Variants in DIAPH2 observed in about 807,000 individuals in gnomAD.
DIAPH2 encodes diaphanous related formin 2.
A neutral mutation model predicts 92.7 loss-of-function variants in DIAPH2; 35 were observed. The ratio of observed to expected loss-of-function variants is 0.38; its 90% confidence interval spans 0.29 to 0.50. The LOEUF (loss-of-function observed/expected upper bound fraction) is 0.50, where lower values mean the gene tolerates loss of function less well. Among genes scored for constraint, DIAPH2 ranks in the 20% least tolerant of loss-of-function variants. The pLI is 0.94. For synonymous variants in DIAPH2, 301 were observed against 280.4 expected, an observed-to-expected ratio of 1.07 and a Z score of -0.73; for missense variants, 701 against 819.5, an observed-to-expected ratio of 0.86 and a Z score of 1.77.
intron 21 of DIAPH2, among the ~76,000 whole-genome samples, chrX:97,133,987 C>A (rs1352304031): frequency 8.9e-6 from 1 of 112,419 alleles, no homozygotes; most frequent in Non-Finnish European, 1.9e-5. Context: ...AATATCTAAG[C>A]AACAATGCAG....
At chrX:97,241,726 T>C (rs1213717018) in intron 22 of DIAPH2, among the ~76,000 whole-genome samples, 1 of 109,906 alleles carries the variant, frequency 9.1e-6, no homozygotes, top group Non-Finnish European at 1.9e-5. Context: ...TCAGTGCTAC[T>C]ATGAGGCAAA....
At chrX:96,710,512 T>C (rs957909303) in intron 1 of DIAPH2, among the ~76,000 whole-genome samples, 1 of 111,675 alleles carries the variant, frequency 9.0e-6, no homozygotes, top group Non-Finnish European at 1.9e-5. Context: ...CTGGTGATTC[T>C]ATATTTGTGT....
intron 4 of DIAPH2, among the ~76,000 whole-genome samples, chrX:96,765,947 T>C (rs758009455): frequency 9.0e-6 from 1 of 111,543 alleles, no homozygotes; most frequent in Non-Finnish European, 1.9e-5. Flanking sequence ...CTCCTAAATA[T>C]CCATCAAGAT....
intron 17 of DIAPH2, among the ~76,000 whole-genome samples, chrX:97,003,956 A>G (rs2066162144): frequency 9.0e-6 from 1 of 111,325 alleles, no homozygotes; most frequent in African/African-American, 3.3e-5. Flanking sequence ...ATCTATTTTG[A>G]TTTTTATATA....
At chrX:96,915,537 G>A (rs1377927172) in intron 7 of DIAPH2, among the ~76,000 whole-genome samples, 3 of 110,156 alleles carry the variant, frequency 2.7e-5, no homozygotes, top group African/African-American at 9.9e-5. Context: ...TTAAATTAGG[G>A]CTGATGGAAC....
At chrX:97,133,574 A>G (rs1040794749) in intron 21 of DIAPH2, among the ~76,000 whole-genome samples, 7 of 112,329 alleles carry the variant, frequency 6.2e-5, no homozygotes, top group Non-Finnish European at 9.4e-5. Flanking sequence ...GGCGTGAGCC[A>G]CTACGTCCGG....
At chrX:97,048,713 G>A (rs913333743) in intron 17 of DIAPH2, among the ~76,000 whole-genome samples, 7 of 111,033 alleles carry the variant, frequency 6.3e-5, no homozygotes, top group Non-Finnish European at 1.1e-4. Flanking sequence ...GCATTCTACT[G>A]TAAGCAAGAC....
chrX:97,183,242 G>A (rs749440263), intron 22 of DIAPH2, among the ~76,000 whole-genome samples: 113 of 111,608 alleles, frequency 1.0e-3, no homozygotes, highest in African/African-American at 3.4e-3. Context: ...CATCTTCCCG[G>A]GATGATTTTT....
intron 15 of DIAPH2, among the ~76,000 whole-genome samples, chrX:96,957,270 C>T (rs1013402758): frequency 2.7e-5 from 3 of 112,434 alleles, no homozygotes; most frequent in African/African-American, 9.7e-5. Context: ...ATTCACCTGC[C>T]TCGGTCTCCC....
intron 26 of DIAPH2, among the ~76,000 whole-genome samples, chrX:97,509,843 A>AT (rs1387944539): frequency 1.8e-5 from 2 of 110,360 alleles, no homozygotes; most frequent in Non-Finnish European, 3.8e-5. Context: ...TGAACTCATC[A>AT]TTTTTTATGG....
At chrX:97,424,762 A>C (rs939130448) in intron 25 of DIAPH2, among the ~76,000 whole-genome samples, 4 of 110,266 alleles carry the variant, frequency 3.6e-5, no homozygotes, top group Admixed American at 2.9e-4. Flanking sequence ...CTATACATGC[A>C]CATGCCACCA....
At position 97,023,017 on chromosome X, in the gene DIAPH2, C is replaced by G. The variant is rs190014286; in HGVS notation, c.2051-49924C>G. 6.1e-3 allele frequency among the ~76,000 whole-genome samples: 683 copies of G among 111,725 alleles called. 7 individuals carry two copies. The highest frequency in any genetic ancestry group is 0.021 in the African/African-American group (649 of 30,742). Reference sequence around the variant, plus strand: ...TGAGCTATGATCACACCACTGCACTCCAGCCTGGGTAAAAGAGTGAAACCC... The same window carrying G: ...TGAGCTATGATCACACCACTGCACTGCAGCCTGGGTAAAAGAGTGAAACCC... On this transcript the variant is annotated intron_variant, in intron 17 of 26. Transcript: ENST00000324765.
intron 26 of DIAPH2, among the ~76,000 whole-genome samples, chrX:97,582,925 C>T (rs1385798630): frequency 9.0e-6 from 1 of 111,462 alleles, no homozygotes; most frequent in Non-Finnish European, 1.9e-5. Context: ...TCATTCATTT[C>T]ATCTTCCATT....
intron 4 of DIAPH2, among the ~76,000 whole-genome samples, chrX:96,871,494 A>AG (rs1177986385): frequency 9.4e-6 from 1 of 105,886 alleles, no homozygotes; most frequent in Non-Finnish European, 1.9e-5. Flanking sequence ...AAAAAAAAAA[A>AG]GGTAGTGTAC....
intron 23 of DIAPH2, among the ~76,000 whole-genome samples, chrX:97,253,088 A>C (rs1411880065): frequency 9.1e-6 from 1 of 110,401 alleles, no homozygotes; most frequent in African/African-American, 3.3e-5. Context: ...CAGGAGTTCA[A>C]GACCAGCCTG....
chrX:97,149,675 G>A (rs12842072), intron 22 of DIAPH2, among the ~76,000 whole-genome samples: 35,047 of 92,180 alleles, frequency 0.38, 6,219 homozygotes, highest in Middle Eastern at 0.54. Context: ...AGGCTGCAGT[G>A]AGCCGAGATC....
chrX:97,205,803 G>C (rs956936158), intron 22 of DIAPH2, among the ~76,000 whole-genome samples: 1 of 111,121 alleles, frequency 9.0e-6, no homozygotes, highest in African/African-American at 3.3e-5. Context: ...CTCATTACTG[G>C]GTATACACCC....
chrX:97,381,144 CT>C (rs140310621), intron 24 of DIAPH2, among the ~76,000 whole-genome samples: 4 of 110,112 alleles, frequency 3.6e-5, no homozygotes, highest in Non-Finnish European at 7.6e-5. Flanking sequence ...TTTATATGAA[CT>C]TTTTTTTTAG....
chrX:96,783,093 G>A (rs759816420), intron 4 of DIAPH2, among the ~76,000 whole-genome samples: 2 of 111,648 alleles, frequency 1.8e-5, no homozygotes, highest in Non-Finnish European at 3.8e-5. Context: ...TGTGATACTC[G>A]TAAAACAACC....
Sources: gnomAD v4.1 joint callset for allele counts (sites outside exome capture counted in the v4.1 genomes callset) on GRCh38, gnomAD v4.1.1 for gene constraint, MANE v1.5 for transcripts, NCBI Gene and HGNC (gene_info 2026-07-23, HGNC 2026-07-21) for gene names.